MYOM1: variants seen among roughly 807,000 people sequenced by gnomAD.
MYOM1 encodes myomesin-1.
In MYOM1, 164 loss-of-function variants were observed where a neutral mutation model predicts 205.3. The observed-to-expected ratio is 0.80, with a 90% CI of 0.70 to 0.91. MYOM1 has a LOEUF of 0.91. MYOM1 is among the 40% of genes least tolerant of loss of function. MYOM1 has a pLI of 0.00. For synonymous variants in MYOM1, 772 were observed against 789.4 expected (o/e 0.98, Z 0.37); for missense variants, 2,011 against 2,127.3 (o/e 0.95, Z 1.08).
chr18:3,102,708 TA>T, intron 22 of MYOM1, 78 bp from the exon 23 acceptor site: 1 of 1,480,336 alleles, frequency 6.8e-7, no homozygotes, highest in Non-Finnish European at 9.2e-7. Context: ...TGAGATTCTT[TA>T]CTTTAACCCT....
rs947207927 is a variant in MYOM1 at position 3,134,714 on chromosome 18, C to T, written c.2320G>A (p.Glu774Lys). 1 of 1,613,852 alleles carries T rather than the reference C, an allele frequency of 6.2e-7. No homozygotes were observed. Among genetic ancestry groups the T allele is most frequent in the African/African-American group, 1.3e-5 (1 of 74,910 alleles). The change falls in exon 16 of 38, where the codon GAG (glutamate) becomes AAG (lysine). Residue 774 changes from glutamate (E) to lysine (K), a missense_variant. By Grantham distance (56) the Glu-to-Lys change is moderately conservative (BLOSUM62 1). Coordinates refer to ENST00000356443, the MANE Select transcript of MYOM1 (RefSeq NM_003803.4). Reference protein sequence around the residue: ...DAKELVGYYIEASVAGSGKWE... With the variant: ...DAKELVGYYIKASVAGSGKWE... ...TTGCCAGAGCCAGCAACGCTCGCCT[C>T]TATGTAGTACCCGACCAGCTCTTTG...
chr18:3,189,162 A>G lies in MYOM1; in HGVS notation c.432-75T>C, dbSNP rs2144151981. 2.2e-6 allele frequency: 3 copies of G among 1,382,900 alleles called. No individual in the cohort carries two copies. Among genetic ancestry groups the G allele is most frequent in the Non-Finnish European group, 3.0e-6 (3 of 1,007,832 alleles). 85.7% of individuals were successfully genotyped at this position (1,382,900 alleles called of 1,614,324 possible). On this transcript the variant is annotated intron_variant, in intron 3 of 37. Transcript: ENST00000356443. This position sits in a 1 kb window ranked among gnomAD's most constrained non-coding sequence, Gnocchi z 4.8. Reference sequence around the variant, plus strand: ...GATTGAGTAATTTTACTAAGTTCAAAGTACCACATCTCAGACACTGTATCC... The same window carrying G: ...GATTGAGTAATTTTACTAAGTTCAAGGTACCACATCTCAGACACTGTATCC...
chr18:3,146,218 C>T (rs1453576831), intron 13 of MYOM1, among the ~76,000 whole-genome samples: 1 of 151,916 alleles, frequency 6.6e-6, no homozygotes, highest in Non-Finnish European at 1.5e-5. Flanking sequence ...TTAACACAAG[C>T]TCTTTCAAAA....
At chr18:3,096,463 T>G (rs1314182065) in intron 25 of MYOM1, among the ~76,000 whole-genome samples, 1 of 151,814 alleles carries the variant, frequency 6.6e-6, no homozygotes, top group Non-Finnish European at 1.5e-5. Context: ...TTTTTTTTTT[T>G]TTTGAGATGG....
At chr18:3,120,666 C>T (rs1360430786) in intron 19 of MYOM1, among the ~76,000 whole-genome samples, 3 of 152,098 alleles carry the variant, frequency 2.0e-5, no homozygotes, top group East Asian at 1.9e-4. Flanking sequence ...TTTCAGCCAC[C>T]GAGTCTGTGG....
chr18:3,145,746 CAAAT>C (rs1191355093), intron 13 of MYOM1, among the ~76,000 whole-genome samples: 1 of 151,744 alleles, frequency 6.6e-6, no homozygotes, highest in Non-Finnish European at 1.5e-5. Context: ...AAATTAAACT[CAAAT>C]AAGCAGAAAA....
At chr18:3,186,794 GAA>G (rs1228999652) in intron 5 of MYOM1, among the ~76,000 whole-genome samples, 3 of 84,852 alleles carry the variant, frequency 3.5e-5, no homozygotes, top group African/African-American at 1.2e-4. Flanking sequence ...GAGAGAGAAA[GAA>G]AGAAAGAGAA....
rs537348380 is a variant in MYOM1 at position 3,113,045 on chromosome 18, A to C, written c.3304-633T>G. Among the ~76,000 whole-genome samples the C allele has an allele frequency of 2.6e-5, 4 of 152,166 alleles. No homozygotes were observed. The South Asian group carries it at 8.3e-4, about 32-fold the overall frequency. On this transcript the variant is annotated intron_variant, in intron 21 of 37. Coordinates refer to ENST00000356443, the MANE Select transcript of MYOM1 (RefSeq NM_003803.4). ...TAACCAAAGTGTATTAAAATTCTAA[A>C]TCCTCAAGTTTTTAATGATCAAGAT...
rs1040528664 is a variant in MYOM1, at chr18:3,219,196, T to C, written c.-29+607A>G. On this transcript the variant is annotated intron_variant, in intron 1 of 37. Transcript: ENST00000356443. The surrounding 1 kb of genome is among the most constrained non-coding windows in gnomAD (Gnocchi z 4.4). ...TCCATAGCTGTAATTTATGATACTT[T>C]TGTGCAGGCATTAGAGGGCAGAAGC... is the stretch of plus-strand genomic sequence containing the variant. 4.6e-5 allele frequency among the ~76,000 whole-genome samples: 7 copies of C among 152,180 alleles called. No homozygotes were observed. Among genetic ancestry groups the C allele is most frequent in the Non-Finnish European group, 7.3e-5 (5 of 68,038 alleles).
intron 25 of MYOM1, among the ~76,000 whole-genome samples, chr18:3,098,255 C>T (rs1057149462): frequency 6.6e-6 from 1 of 152,032 alleles, no homozygotes; most frequent in Admixed American, 6.6e-5. Flanking sequence ...TTATCTCTTA[C>T]AGCATTTATT....
chr18:3,172,661 C>G (rs2080577815), intron 8 of MYOM1, among the ~76,000 whole-genome samples: 1 of 152,232 alleles, frequency 6.6e-6, no homozygotes, highest in Middle Eastern at 3.4e-3. Context: ...AGATGCCCAC[C>G]ACCATGCCTG....
At chr18:3,097,964 G>A (rs1346291692) in intron 25 of MYOM1, among the ~76,000 whole-genome samples, 1 of 152,184 alleles carries the variant, frequency 6.6e-6, no homozygotes, top group Non-Finnish European at 1.5e-5. Flanking sequence ...GAGCTCAAAA[G>A]TGACACCCCA....
intron 12 of MYOM1, 91 bp downstream of exon 12, chr18:3,151,603 G>A: frequency 8.7e-7 from 1 of 1,146,874 alleles, no homozygotes; most frequent in Non-Finnish European, 1.2e-6. Flanking sequence ...CCCTCTAGTG[G>A]AAGGGAGAGA....
intron 23 of MYOM1, 148 bp downstream of exon 23, chr18:3,102,326 T>A (rs1297442084): frequency 1.1e-6 from 1 of 888,816 alleles, no homozygotes; most frequent in East Asian, 2.6e-5. Context: ...TTTTAAGGTT[T>A]AAGTTGGTTA....
chr18:3,151,490 A>AATAAG (rs1238893665), intron 12 of MYOM1, among the ~76,000 whole-genome samples: 1 of 147,376 alleles, frequency 6.8e-6, no homozygotes, highest in East Asian at 1.9e-4. Flanking sequence ...AATAAAATAA[A>AATAAG]ATAAAATAAA....
chr18:3,105,681 C>G (rs2079442713), intron 22 of MYOM1, among the ~76,000 whole-genome samples: 1 of 151,948 alleles, frequency 6.6e-6, no homozygotes, highest in Non-Finnish European at 1.5e-5. Context: ...AAGGTGAAAC[C>G]CTGTCTCTAT....
intron 26 of MYOM1, 110 bp downstream of exon 26, chr18:3,094,060 C>T (rs1489903473): frequency 9.2e-7 from 1 of 1,087,824 alleles, no homozygotes; most frequent in Non-Finnish European, 1.3e-6. Context: ...TTTAAACTCT[C>T]CCACTCCACC....
intron 10 of MYOM1, among the ~76,000 whole-genome samples, chr18:3,158,201 T>C (rs1401995122): frequency 6.6e-6 from 1 of 152,230 alleles, no homozygotes; most frequent in African/African-American, 2.4e-5. Flanking sequence ...TGATTATTTT[T>C]GAAACAAAGT....
rs375851134 is a variant in MYOM1, at chr18:3,149,470, T to G, written c.1844-269A>C. Among the ~76,000 whole-genome samples the G allele has an allele frequency of 2.6e-4, 39 of 152,294 alleles. 1 individual carries two copies. In the South Asian group the frequency reaches 7.7e-3, roughly 30 times the overall value. ...TGGAACTGTACTTGCACAAGCTAGGTAAGTAACCTGTGTTCATGTAACTGT... is the reference window on the plus strand; with the variant it reads ...TGGAACTGTACTTGCACAAGCTAGGGAAGTAACCTGTGTTCATGTAACTGT... On this transcript the variant is annotated intron_variant, in intron 12 of 37. Transcript: ENST00000356443.
Sources: gnomAD v4.1 joint callset for allele counts (sites outside exome capture counted in the v4.1 genomes callset) on GRCh38, gnomAD v4.1.1 for gene constraint, Gnocchi (gnomAD v3.1) non-coding constraint, MANE v1.5 for transcripts, NCBI Gene and HGNC (gene_info 2026-07-23, HGNC 2026-07-21) for gene names.